The following ATP10B variants were observed in gnomAD, a reference collection of about 807,000 sequenced individuals.
The protein encoded by ATP10B is phospholipid-transporting ATPase VB.
A neutral mutation model predicts 141.2 loss-of-function variants in ATP10B; 122 were observed. That is an observed-to-expected ratio of 0.86 (90% CI 0.75 to 1.00). The LOEUF is 1.00. Ranked by LOEUF, ATP10B falls within the 50% of genes least tolerant of loss-of-function variation. The pLI is 0.00. For synonymous variants in ATP10B, 685 were observed against 692.0 expected (o/e 0.99, Z 0.16); for missense variants, 1,876 against 1,825.3 (o/e 1.03, Z -0.51).
At position 160,687,799 on chromosome 5, in the gene ATP10B, C is replaced by A; in HGVS notation, c.275+1G>T. 1.2e-6 allele frequency: 2 copies of A among 1,612,780 alleles called. No homozygotes were observed. Among genetic ancestry groups the A allele is most frequent in the Non-Finnish European group, 1.7e-6 (2 of 1,179,290 alleles). ...TATTGTTCAGACAAGTGGATCTCTA[C>A]CTATGAAATTGCTCAAAGAGATTCC... On this transcript the variant is annotated splice_donor_variant, in intron 5 of 25. Transcript: ENST00000327245. LOFTEE classifies it high-confidence loss of function.
chr5:160,664,157 A>G (rs1413156031), intron 7 of ATP10B, among the ~76,000 whole-genome samples: 1 of 152,190 alleles, frequency 6.6e-6, no homozygotes, highest in African/African-American at 2.4e-5. Context: ...TTCTTAAATG[A>G]AATTTGGAGA....
chr5:160,634,870 G>A (rs1203984656), intron 11 of ATP10B, among the ~76,000 whole-genome samples: 1 of 152,194 alleles, frequency 6.6e-6, no homozygotes, highest in East Asian at 1.9e-4. Context: ...GAGAGACTTA[G>A]CATCTCTGTT....
At chr5:160,900,701 T>C in the ATP10B span, among the ~76,000 whole-genome samples, 1 of 152,212 alleles carries the variant, frequency 6.6e-6, no homozygotes, top group East Asian at 1.9e-4. Flanking sequence ...TCAATAATTA[T>C]GTACATTAAG....
At chr5:160,575,414 A>G (rs1755129467) in intron 24 of ATP10B, among the ~76,000 whole-genome samples, 1 of 151,888 alleles carries the variant, frequency 6.6e-6, no homozygotes, top group Admixed American at 6.6e-5. Context: ...GAATACTCTC[A>G]CCCTACCTAC....
the ATP10B span, among the ~76,000 whole-genome samples, chr5:160,917,360 C>A: frequency 6.7e-6 from 1 of 150,014 alleles, no homozygotes; most frequent in Non-Finnish European, 1.5e-5. Context: ...GACAAGGACA[C>A]AGTTACATAT....
chr5:160,816,013 G>C (rs916390286), intron 1 of ATP10B, among the ~76,000 whole-genome samples: 10 of 151,970 alleles, frequency 6.6e-5, no homozygotes, highest in African/African-American at 2.2e-4. Context: ...ATTTAAAGCA[G>C]TGTGTAGAGG....
At chr5:160,653,130 G>T in intron 7 of ATP10B, among the ~76,000 whole-genome samples, 1 of 122,192 alleles carries the variant, frequency 8.2e-6, no homozygotes, top group Admixed American at 9.9e-5. Context: ...TATATATTAT[G>T]TATACATAAA....
At chr5:160,849,362 T>C (rs907199672) in intron 1 of ATP10B, among the ~76,000 whole-genome samples, 4 of 152,124 alleles carry the variant, frequency 2.6e-5, no homozygotes, top group African/African-American at 9.7e-5. Context: ...CAAAAGTACC[T>C]CCTCTCAAAT....
chr5:160,646,472 A>C (rs897081943), intron 8 of ATP10B, among the ~76,000 whole-genome samples: 1 of 152,208 alleles, frequency 6.6e-6, no homozygotes, highest in African/African-American at 2.4e-5. Flanking sequence ...CAGTGATATA[A>C]ATTTTCCTTT....
chr5:160,594,025 G>A (rs1018747358), intron 22 of ATP10B, among the ~76,000 whole-genome samples: 4 of 152,158 alleles, frequency 2.6e-5, no homozygotes, highest in African/African-American at 9.7e-5. Context: ...TCAGATTCAG[G>A]AAATACAGAG....
chr5:160,923,924 G>A, the ATP10B span, among the ~76,000 whole-genome samples: 1 of 152,214 alleles, frequency 6.6e-6, no homozygotes, highest in Non-Finnish European at 1.5e-5. Flanking sequence ...GTGTTCAAAA[G>A]GATGGGGCTG....
chr5:160,871,776 A>G, the ATP10B span, among the ~76,000 whole-genome samples: 2 of 152,142 alleles, frequency 1.3e-5, no homozygotes, highest in Non-Finnish European at 2.9e-5. Context: ...TGATTGATGG[A>G]CATTTGGGTT....
At chr5:160,667,494 C>T (rs73818283) in intron 7 of ATP10B, among the ~76,000 whole-genome samples, 1,931 of 152,192 alleles carry the variant, frequency 0.013, 51 homozygotes, top group African/African-American at 0.045. Flanking sequence ...CACTCTTGAG[C>T]AAAGTGAGGG....
chr5:160,927,262 G>T, the ATP10B span, among the ~76,000 whole-genome samples: 2 of 152,132 alleles, frequency 1.3e-5, no homozygotes, highest in Non-Finnish European at 2.9e-5. Flanking sequence ...GATAAAGCAG[G>T]GTAAAAGGGT....
intron 6 of ATP10B, among the ~76,000 whole-genome samples, chr5:160,678,039 C>G (rs1763143239): frequency 6.6e-6 from 1 of 152,146 alleles, no homozygotes; most frequent in Non-Finnish European, 1.5e-5. Context: ...GAATCTAAAT[C>G]TTGGTGTGGG....
At chr5:160,575,506 C>A (rs573248548) in intron 24 of ATP10B, among the ~76,000 whole-genome samples, 71 of 152,220 alleles carry the variant, frequency 4.7e-4, no homozygotes, top group African/African-American at 1.6e-3. Flanking sequence ...ATTATACATT[C>A]TCTACCTGGC....
the ATP10B span, among the ~76,000 whole-genome samples, chr5:160,906,181 C>A: frequency 1.1e-4 from 17 of 152,268 alleles, no homozygotes; most frequent in Middle Eastern, 3.4e-3. Context: ...AAGTACTATG[C>A]AAGGCATGTT....
chr5:160,752,426 C>T (rs1768221431), intron 2 of ATP10B, among the ~76,000 whole-genome samples: 1 of 152,144 alleles, frequency 6.6e-6, no homozygotes, highest in African/African-American at 2.4e-5. Context: ...CATACAAGGA[C>T]TCCCTCTCAA....
rs956320477 is a variant in ATP10B at position 160,817,211 on chromosome 5, T to C, written c.-575-31408A>G. On this transcript the variant is annotated intron_variant, in intron 1 of 25. Coordinates refer to ENST00000327245, the MANE Select transcript of ATP10B (RefSeq NM_025153.3). ...ACAATTAGGAAAAGAGGAAGTCAAATGGTCCCTGTTTGCAGATGACATGAT... is the reference window on the plus strand; with the variant it reads ...ACAATTAGGAAAAGAGGAAGTCAAACGGTCCCTGTTTGCAGATGACATGAT... Among the ~76,000 whole-genome samples, 3 of 152,284 alleles carry C rather than the reference T, an allele frequency of 2.0e-5. No homozygotes were observed. In the East Asian group the frequency reaches 5.8e-4, roughly 29 times the overall value.
Sources: gnomAD v4.1 joint callset for allele counts (sites outside exome capture counted in the v4.1 genomes callset) on GRCh38, gnomAD v4.1.1 for gene constraint, MANE v1.5 for transcripts, NCBI Gene and HGNC (gene_info 2026-07-23, HGNC 2026-07-21) for gene names.